Variants in SORL1 observed in about 807,000 individuals in gnomAD.
SORL1 encodes the protein sortilin-related receptor.
Under a neutral mutation model 273.7 loss-of-function variants are expected in SORL1, and 127 were observed. That is an observed-to-expected ratio of 0.46 (90% CI 0.40 to 0.54). The LOEUF (loss-of-function observed/expected upper bound fraction) is 0.54. SORL1 is among the 20% of genes least tolerant of loss of function. The pLI is 0.00. For missense variants in SORL1, 2,494 were observed against 2,846.1 expected, an observed-to-expected ratio of 0.88 and a Z score of 2.81; for synonymous variants, 1,031 against 1,067.4, an observed-to-expected ratio of 0.97 and a Z score of 0.66.
At chr11:121,499,360 G>A (rs1861678039) in intron 6 of SORL1, among the ~76,000 whole-genome samples, 1 of 152,118 alleles carries the variant, frequency 6.6e-6, no homozygotes, top group Non-Finnish European at 1.5e-5. Flanking sequence ...CCACTGAGAG[G>A]TGTTTCCCAA....
intron 9 of SORL1, 87 bp downstream of exon 9, chr11:121,520,936 A>G: frequency 1.1e-6 from 1 of 869,572 alleles, no homozygotes; most frequent in South Asian, 2.6e-5. Context: ...GTATTTATTG[A>G]AAAAATACAA....
chr11:121,532,374 C>T lies in SORL1; in HGVS notation c.1597-90C>T. On this transcript the variant is annotated intron_variant, in intron 11 of 47. Transcript: ENST00000260197. ...TTGTCATTGCTGTTATGTCTATGTG[C>T]ACGTGTGTGCATGCCTGTGGGCATG... The T allele has an allele frequency of 6.3e-6, 7 of 1,115,260 alleles. No homozygotes were observed. In the South Asian group the frequency reaches 7.8e-5, roughly 12 times the overall value. The allele number at this position is 1,115,260 out of a possible 1,614,324, so 69.1% of individuals were successfully genotyped here.
At chr11:121,509,332 G>C (rs1190912570) in intron 6 of SORL1, among the ~76,000 whole-genome samples, 1 of 151,838 alleles carries the variant, frequency 6.6e-6, no homozygotes, top group Non-Finnish European at 1.5e-5. Flanking sequence ...AGTATCCTTT[G>C]GCCTTTACTT....
At chr11:121,487,085 A>T (rs117635103) in intron 3 of SORL1, among the ~76,000 whole-genome samples, 2 of 152,028 alleles carry the variant, frequency 1.3e-5, no homozygotes, top group Non-Finnish European at 1.5e-5. Context: ...TGCGAGGCCC[A>T]CCTCTTCCAT....
At chr11:121,618,263 C>G (rs1459842926) in intron 41 of SORL1, among the ~76,000 whole-genome samples, 1 of 152,192 alleles carries the variant, frequency 6.6e-6, no homozygotes, top group Non-Finnish European at 1.5e-5. Flanking sequence ...AGGATGGGTA[C>G]CTGTTGGACA....
intron 1 of SORL1, among the ~76,000 whole-genome samples, chr11:121,467,285 G>T (rs934838530): frequency 1.3e-5 from 2 of 152,128 alleles, no homozygotes; most frequent in Non-Finnish European, 2.9e-5. Context: ...ATGTTTTGAG[G>T]CTTGCCCTTG....
chr11:121,455,972 G>C (rs576141896), intron 1 of SORL1, among the ~76,000 whole-genome samples: 6 of 149,876 alleles, frequency 4.0e-5, no homozygotes, highest in South Asian at 4.2e-4. Flanking sequence ...CAGCCTGGGG[G>C]ACAGAGTGAG....
At chr11:121,517,092 A>G (rs1052579155) in intron 8 of SORL1, among the ~76,000 whole-genome samples, 3 of 152,170 alleles carry the variant, frequency 2.0e-5, no homozygotes, top group African/African-American at 7.2e-5. Context: ...TGTATATAAC[A>G]TCAGCTTAAC....
intron 32 of SORL1, among the ~76,000 whole-genome samples, chr11:121,601,988 A>C (rs1863399907): frequency 1.3e-5 from 2 of 152,178 alleles, no homozygotes; most frequent in African/African-American, 4.8e-5. Context: ...AATAGAAGAT[A>C]ACTCCCTGAG....
intron 6 of SORL1, among the ~76,000 whole-genome samples, chr11:121,499,287 G>A (rs1861677109): frequency 6.6e-6 from 1 of 152,176 alleles, no homozygotes; most frequent in Non-Finnish European, 1.5e-5. Flanking sequence ...GCACATGGAT[G>A]AGCCACCAGA....
chr11:121,612,883 C>T, intron 40 of SORL1, 51 bp downstream of exon 40: 1 of 1,291,468 alleles, frequency 7.7e-7, no homozygotes, highest in Non-Finnish European at 1.1e-6. Flanking sequence ...TAAGGCTGGA[C>T]CAATGCTTTC....
rs755386640 is a variant in SORL1 at position 121,605,086 on chromosome 11, T to A, written c.4652-27T>A. 1.9e-6 allele frequency: 3 copies of A among 1,589,476 alleles called. No individual in the cohort carries two copies. In the South Asian group the frequency reaches 3.4e-5, roughly 18 times the overall value. ...ACGCCCAGCCAAGATGTAACTTTGT[T>A]TGTCTTTTTCTCCTTTATCTCTCTA... On this transcript the variant is annotated intron_variant, in intron 33 of 47. Transcript: ENST00000260197.
intron 32 of SORL1, among the ~76,000 whole-genome samples, 185 bp from the exon 33 acceptor site, chr11:121,604,008 C>T (rs1863430401): frequency 2.0e-5 from 3 of 152,190 alleles, no homozygotes; most frequent in African/African-American, 7.2e-5. Flanking sequence ...ATGCAGATTC[C>T]AGTTGTTAAT....
Position 121,520,753 on chromosome 11 carries a change from GA to G in SORL1, c.1310del (p.Asn437ThrfsTer2). 1 of 1,612,794 alleles carries G rather than the reference GA, an allele frequency of 6.2e-7. No individual in the cohort carries two copies. Among genetic ancestry groups the G allele is most frequent in the Non-Finnish European group, 8.5e-7 (1 of 1,179,326 alleles). On this transcript the variant is annotated frameshift_variant, in exon 9 of 48. Coordinates refer to ENST00000260197, the MANE Select transcript of SORL1 (RefSeq NM_003105.6). LOFTEE classifies it high-confidence loss of function. Reference sequence around the variant, plus strand: ...TGATTAATGGTTCTATGAATGAGGAGAACATGAGATCGGTCATCACCTTTGA... The same window carrying G: ...TGATTAATGGTTCTATGAATGAGGAGACATGAGATCGGTCATCACCTTTGA... ...TLINGSMNEE[N>X]MRSVITFDKG... is the part of the protein sequence containing the mutation.
chr11:121,461,348 T>C (rs1860998118), intron 1 of SORL1, among the ~76,000 whole-genome samples: 1 of 152,072 alleles, frequency 6.6e-6, no homozygotes, highest in Non-Finnish European at 1.5e-5. Context: ...GGAAAGTTGG[T>C]TAGAGGTGAA....
In SORL1 at chr11:121,490,968, C is replaced by T. The variant is rs78966586; in HGVS notation, c.758+858C>T. 5.5e-3 allele frequency among the ~76,000 whole-genome samples: 842 copies of T among 152,202 alleles called. 5 individuals are homozygous for T. Among genetic ancestry groups the T allele is most frequent in the African/African-American group, 0.019 (782 of 41,534 alleles). ...AAGCTAGAGAGAGGATTTATCCTTCCAGATGGGAGGATCATAAACAGCTGT... is the reference window on the plus strand; with the variant it reads ...AAGCTAGAGAGAGGATTTATCCTTCTAGATGGGAGGATCATAAACAGCTGT... On this transcript the variant is annotated intron_variant, in intron 5 of 47. Transcript: ENST00000260197.
chr11:121,532,447 G>A lies in SORL1; in HGVS notation c.1597-17G>A. On this transcript the variant is annotated splice_polypyrimidine_tract_variant and intron_variant, in intron 11 of 47. Transcript: ENST00000260197. The stretch of plus-strand genomic sequence containing the variant: ...ACCTCCACAGCAGTGGTGTCACCAT[G>A]GATTTTTCCTCTTCAGGCACTTCCT... 1 of 1,612,992 alleles carries A rather than the reference G, an allele frequency of 6.2e-7. No homozygotes were observed. The highest frequency in any genetic ancestry group is 8.5e-7 in the Non-Finnish European group (1 of 1,179,118).
chr11:121,601,053 C>T (rs1409516186), intron 32 of SORL1, among the ~76,000 whole-genome samples: 1 of 121,912 alleles, frequency 8.2e-6, no homozygotes, highest in Admixed American at 9.1e-5. Flanking sequence ...CCCCTCCCCC[C>T]ACCCCACAAC....
intron 29 of SORL1, 24 bp from the exon 30 acceptor site, chr11:121,590,016 T>C: frequency 6.2e-7 from 1 of 1,612,706 alleles, no homozygotes; most frequent in Non-Finnish European, 8.5e-7. Flanking sequence ...GGAAAGCAAC[T>C]GATGATGTGG....
Sources: gnomAD v4.1 joint callset for allele counts (sites outside exome capture counted in the v4.1 genomes callset) on GRCh38, gnomAD v4.1.1 for gene constraint, MANE v1.5 for transcripts, NCBI Gene and HGNC (gene_info 2026-07-23, HGNC 2026-07-21) for gene names.